LYG2: variants seen among roughly 807,000 people sequenced by gnomAD.
LYG2 encodes lysozyme g2.
A neutral mutation model predicts 22.4 loss-of-function variants in LYG2; 25 were observed. That is an observed-to-expected ratio of 1.12 (90% CI 0.81 to 1.56). LYG2 has a LOEUF of 1.56. Among genes scored for constraint, LYG2 ranks in the 40% most tolerant of loss-of-function variants. The pLI is 0.00. For synonymous variants in LYG2, 88 were observed against 97.0 expected (o/e 0.91, Z 0.55); for missense variants, 266 against 269.5 (o/e 0.99, Z 0.09).
chr2:99,261,128 C>T, the LYG2 span, among the ~76,000 whole-genome samples: 6 of 151,994 alleles, frequency 3.9e-5, no homozygotes, highest in Non-Finnish European at 8.8e-5. Context: ...AAGGAGAAAA[C>T]AGAGGGCTGG....
intron 5 of LYG2, among the ~76,000 whole-genome samples, 199 bp downstream of exon 5, chr2:99,245,063 A>G (rs528360675): frequency 6.6e-6 from 1 of 151,710 alleles, no homozygotes; most frequent in East Asian, 1.9e-4. Context: ...GTGAGCCGAG[A>G]TCACGCCATT....
chr2:99,255,674 G>T (rs2094034814), upstream of LYG2, among the ~76,000 whole-genome samples: 1 of 152,058 alleles, frequency 6.6e-6, no homozygotes, highest in Non-Finnish European at 1.5e-5. Flanking sequence ...TATGTCACAT[G>T]ATCTCAAACC....
chr2:99,244,170 G>A (rs1484186642), intron 5 of LYG2, 33 bp from the exon 6 acceptor site: 5 of 1,603,172 alleles, frequency 3.1e-6, no homozygotes, highest in South Asian at 1.1e-5. Context: ...TCAGCATCTG[G>A]ATGAGGTAAC....
chr2:99,249,037 C>G (rs958825182), intron 3 of LYG2, among the ~76,000 whole-genome samples: 1 of 152,116 alleles, frequency 6.6e-6, no homozygotes, highest in Non-Finnish European at 1.5e-5. Context: ...AAAGGAGATA[C>G]AAAGTTATTT....
At chr2:99,248,453 A>C (rs1231179600) in intron 3 of LYG2, among the ~76,000 whole-genome samples, 1 of 152,116 alleles carries the variant, frequency 6.6e-6, no homozygotes, top group Non-Finnish European at 1.5e-5. Context: ...GAAATTGGAA[A>C]TCATCATTCT....
At chr2:99,243,698 T>TC in intron 6 of LYG2, 1 of 449,886 alleles carries the variant, frequency 2.2e-6, no homozygotes. Context: ...CCCAGCTTTT[T>TC]TTTTTTTTTT....
chr2:99,246,933 C>G, intron 3 of LYG2, 113 bp from the exon 4 acceptor site: 2 of 954,158 alleles, frequency 2.1e-6, no homozygotes, highest in Non-Finnish European at 3.1e-6. Context: ...CTCCCCAACT[C>G]TCTTGTTGCC....
intron 3 of LYG2, among the ~76,000 whole-genome samples, chr2:99,247,395 T>C (rs1195657133): frequency 2.6e-5 from 4 of 152,082 alleles, no homozygotes; most frequent in Admixed American, 2.6e-4. Flanking sequence ...ATGCTCTATG[T>C]CAGAATTAAA....
At chr2:99,249,456 G>T (rs1305745312) in intron 3 of LYG2, among the ~76,000 whole-genome samples, 1 of 150,184 alleles carries the variant, frequency 6.7e-6, no homozygotes, top group African/African-American at 2.5e-5. Flanking sequence ...TTGTTAAAAT[G>T]TTTGATGTAA....
At chr2:99,245,612 TAA>T (rs34440649) in intron 4 of LYG2, among the ~76,000 whole-genome samples, 154 bp from the exon 5 acceptor site, 18 of 125,500 alleles carry the variant, frequency 1.4e-4, no homozygotes, top group Non-Finnish European at 1.0e-4. Context: ...CATCTCTAAT[TAA>T]AAAAAAAAAA....
chr2:99,243,900 T>C, intron 6 of LYG2, 99 bp downstream of exon 6: 1 of 1,427,528 alleles, frequency 7.0e-7, no homozygotes, highest in South Asian at 1.2e-5. Flanking sequence ...GGGCCACTGC[T>C]GACCCCGTGG....
At position 99,253,612 on chromosome 2, in the gene LYG2, C is replaced by T. The variant is rs567183067; in HGVS notation, c.43+606G>A. On this transcript the variant is annotated intron_variant, in intron 3 of 6. Coordinates refer to ENST00000333017, the MANE Select transcript of LYG2 (RefSeq NM_175735.4). ...CCAACCTATCTTTCCAGCCTTCCCC[C>T]CAGAAACCCCCTCGTCTGTCCAGAC... 5.3e-5 allele frequency among the ~76,000 whole-genome samples: 8 copies of T among 152,224 alleles called. No homozygotes were observed. In the East Asian group the frequency reaches 9.6e-4, roughly 18 times the overall value.
intron 6 of LYG2, chr2:99,243,736 CT>C: frequency 3.0e-6 from 1 of 334,094 alleles, no homozygotes; most frequent in Non-Finnish European, 5.3e-6. Context: ...CAGGGTCTCA[CT>C]ATGTTTCAAG....
At chr2:99,245,218 A>G (rs1347653030) in intron 5 of LYG2, 44 bp downstream of exon 5, 2 of 1,503,860 alleles carry the variant, frequency 1.3e-6, no homozygotes, top group East Asian at 2.4e-5. Flanking sequence ...AGCTTCTGTG[A>G]GGAGGGATGC....
intron 6 of LYG2, chr2:99,243,691 AGCTT>A: frequency 7.0e-6 from 3 of 431,164 alleles, no homozygotes; most frequent in South Asian, 3.5e-5. Context: ...CACCATGCCC[AGCTT>A]TTTTTTTTTT....
At position 99,245,462 on chromosome 2, in the gene LYG2, C is replaced by G. The variant is rs548893687; in HGVS notation, c.185-4G>C. Reference sequence around the variant, plus strand: ...AACATTTCAGAACCACGGATCCCTACGTCAATAGAAAAGAAACTGTTTTTC... The same window carrying G: ...AACATTTCAGAACCACGGATCCCTAGGTCAATAGAAAAGAAACTGTTTTTC... On this transcript the variant is annotated splice_polypyrimidine_tract_variant and splice_region_variant and intron_variant, in intron 4 of 6. Transcript: ENST00000333017. 2 of 1,575,286 alleles carry G rather than the reference C, an allele frequency of 1.3e-6. No homozygotes were observed. Among genetic ancestry groups the G allele is most frequent in the Non-Finnish European group, 1.7e-6 (2 of 1,152,356 alleles).
At chr2:99,248,338 T>C (rs1182930764) in intron 3 of LYG2, among the ~76,000 whole-genome samples, 1 of 152,028 alleles carries the variant, frequency 6.6e-6, no homozygotes, top group Non-Finnish European at 1.5e-5. Flanking sequence ...AACCCAAATG[T>C]CCAACAATGA....
chr2:99,250,271 C>CA (rs1244329775), intron 3 of LYG2, among the ~76,000 whole-genome samples: 7 of 147,896 alleles, frequency 4.7e-5, no homozygotes, highest in African/African-American at 1.7e-4. Context: ...AGTTTATAGA[C>CA]AAAAAAAGAA....
At chr2:99,245,186 A>G in intron 5 of LYG2, 76 bp downstream of exon 5, 1 of 1,448,862 alleles carries the variant, frequency 6.9e-7, no homozygotes, top group Non-Finnish European at 9.2e-7. Flanking sequence ...AAGCACTGCA[A>G]ATGGATTTCT....
Sources: allele counts gnomAD v4.1 joint callset (sites outside exome capture counted in the v4.1 genomes callset), GRCh38; gene constraint gnomAD v4.1.1; transcripts MANE v1.5; gene names NCBI Gene and HGNC (gene_info 2026-07-23, HGNC 2026-07-21).